GPC5: variants seen among roughly 807,000 people sequenced by gnomAD.
GPC5 encodes the protein glypican 5.
GPC5 carries 47 observed loss-of-function variants against 53.9 expected under a neutral mutation model. The ratio of observed to expected loss-of-function variants is 0.87; its 90% CI spans 0.69 to 1.11. The LOEUF (loss-of-function observed/expected upper bound fraction) is 1.11, where lower values mean the gene tolerates loss of function less well. Ranked by LOEUF, GPC5 falls within the 50% of genes most tolerant of loss-of-function variation. The pLI is 0.00. For missense variants in GPC5, 748 were observed against 713.1 expected, an observed-to-expected ratio of 1.05 and a Z score of -0.56; for synonymous variants, 286 against 263.3, an observed-to-expected ratio of 1.09 and a Z score of -0.84.
intron 2 of GPC5, among the ~76,000 whole-genome samples, chr13:91,471,054 A>T (rs1445405622): frequency 2.0e-5 from 3 of 152,164 alleles, no homozygotes; most frequent in African/African-American, 7.2e-5. Context: ...ACAAGAACCG[A>T]TGGAGTATTG....
At chr13:91,828,871 G>A (rs1194869057) in intron 5 of GPC5, among the ~76,000 whole-genome samples, 1 of 151,952 alleles carries the variant, frequency 6.6e-6, no homozygotes, top group African/African-American at 2.4e-5. Context: ...AGAAGAGGTT[G>A]GAAAGTCACT....
At position 92,579,268 on chromosome 13, in the gene GPC5, TCC is replaced by T. The variant is rs1566302652; in HGVS notation, c.1562-287012_1562-287011del. Among the ~76,000 whole-genome samples, 17 of 14,012 alleles carry T rather than the reference TCC, an allele frequency of 1.2e-3. 1 individual carries two copies. The highest frequency in any genetic ancestry group is 1.4e-3 in the Non-Finnish European group (12 of 8,546). 9.2% of individuals were successfully genotyped at this position (14,012 alleles called of 152,430 possible). A position where few individuals can be genotyped will look rare whatever the true frequency, so the allele number is the denominator to read the frequency against. The stretch of plus-strand genomic sequence containing the variant: ...CTCCCTCCCTCCCTCCCTCCCTCCC[TCC>T]CTCCCTCTCTCTCTCTCTCTCTCTC... On this transcript the variant is annotated intron_variant, in intron 7 of 7. Coordinates refer to ENST00000377067, the MANE Select transcript of GPC5 (RefSeq NM_004466.6).
chr13:91,480,199 A>G (rs1018544602), intron 2 of GPC5, among the ~76,000 whole-genome samples: 1 of 152,246 alleles, frequency 6.6e-6, no homozygotes, highest in African/African-American at 2.4e-5. Flanking sequence ...TTTAGGCTGT[A>G]AAATGTATGT....
chr13:92,613,511 AAATAT>A (rs1228691721), intron 7 of GPC5, among the ~76,000 whole-genome samples: 4 of 71,530 alleles, frequency 5.6e-5, no homozygotes, highest in African/African-American at 1.6e-4. Flanking sequence ...TTTATATATA[AAATAT>A]AATATATAAT....
intron 5 of GPC5, among the ~76,000 whole-genome samples, chr13:91,785,536 T>A (rs541972726): frequency 6.6e-6 from 1 of 152,226 alleles, no homozygotes; most frequent in East Asian, 1.9e-4. Flanking sequence ...ACCCAGTCTT[T>A]CACAAATTTC....
Position 92,184,653 on chromosome 13 carries a change from T to G in GPC5, c.1561+39664T>G, listed in dbSNP as rs531162411. Among the ~76,000 whole-genome samples the G allele has an allele frequency of 2.0e-5, 3 of 152,370 alleles. No homozygotes were observed. The South Asian group carries it at 6.2e-4, about 32-fold the overall frequency. ...CTGAAGATACTTTTTTGTTGAAAATTTAGCTATGCCTTTAAAATATTTTTT... is the reference window on the plus strand; with the variant it reads ...CTGAAGATACTTTTTTGTTGAAAATGTAGCTATGCCTTTAAAATATTTTTT... On this transcript the variant is annotated intron_variant, in intron 7 of 7. Coordinates refer to ENST00000377067, the MANE Select transcript of GPC5 (RefSeq NM_004466.6).
chr13:91,901,195 T>C (rs2039494199), intron 5 of GPC5, among the ~76,000 whole-genome samples: 1 of 152,068 alleles, frequency 6.6e-6, no homozygotes, highest in Non-Finnish European at 1.5e-5. Context: ...CTTAATTCCA[T>C]TTATTTTGAC....
intron 2 of GPC5, among the ~76,000 whole-genome samples, chr13:91,472,083 C>T (rs1362279100): frequency 6.6e-6 from 1 of 152,078 alleles, no homozygotes; most frequent in African/African-American, 2.4e-5. Context: ...TTTCCTTCTG[C>T]AATAGGTCTT....
At chr13:92,448,603 A>C (rs1027135600) in intron 7 of GPC5, 1 of 152,112 alleles carries the variant, frequency 6.6e-6, no homozygotes, top group Non-Finnish European at 1.5e-5. Flanking sequence ...AAAACTTATT[A>C]GATGCTTTTT....
At chr13:91,723,872 A>G (rs2036525364) in intron 3 of GPC5, among the ~76,000 whole-genome samples, 1 of 152,212 alleles carries the variant, frequency 6.6e-6, no homozygotes, top group Non-Finnish European at 1.5e-5. Context: ...TATCTGGGAC[A>G]TTACCTCTGC....
chr13:92,607,263 A>G (rs912896304), intron 7 of GPC5, among the ~76,000 whole-genome samples: 3 of 152,084 alleles, frequency 2.0e-5, no homozygotes, highest in Admixed American at 6.5e-5. Context: ...GTTTTACCCT[A>G]CTCTTCCCCA....
At chr13:92,517,420 A>T (rs1880838239) in intron 7 of GPC5, among the ~76,000 whole-genome samples, 1 of 152,198 alleles carries the variant, frequency 6.6e-6, no homozygotes, top group Non-Finnish European at 1.5e-5. Context: ...AAGTAGCCTA[A>T]CTGGGAGGCA....
At chr13:92,853,007 C>A (rs1041502370) in intron 7 of GPC5, among the ~76,000 whole-genome samples, 1 of 152,124 alleles carries the variant, frequency 6.6e-6, no homozygotes, top group Admixed American at 6.5e-5. Flanking sequence ...TCCATTTGCA[C>A]ATCAGAGTTA....
intron 2 of GPC5, among the ~76,000 whole-genome samples, chr13:91,691,863 G>A (rs1031806264): frequency 3.3e-5 from 5 of 151,870 alleles, no homozygotes; most frequent in African/African-American, 1.2e-4. Flanking sequence ...AAGTTATTGC[G>A]TGATCTTTTA....
chr13:91,998,124 GT>G (rs1183001216), intron 6 of GPC5, among the ~76,000 whole-genome samples: 2 of 152,164 alleles, frequency 1.3e-5, no homozygotes, highest in Non-Finnish European at 2.9e-5. Flanking sequence ...TTATTGAAAA[GT>G]TTTTTATTCC....
intron 5 of GPC5, among the ~76,000 whole-genome samples, chr13:91,813,158 C>T (rs2038340051): frequency 6.6e-6 from 1 of 152,146 alleles, no homozygotes; most frequent in South Asian, 2.1e-4. Flanking sequence ...CAGTTACTTG[C>T]TGAATATTGA....
chr13:92,663,701 T>TATATATCTACTATATATATCTACTAA (rs1886438735), intron 7 of GPC5, among the ~76,000 whole-genome samples: 1 of 139,688 alleles, frequency 7.2e-6, no homozygotes, highest in Non-Finnish European at 1.5e-5. Flanking sequence ...CTATATATAT[T>TATATATCTACTATATATATCTACTAA]ATATATCTAC....
At chr13:92,631,750 G>T (rs927697871) in intron 7 of GPC5, among the ~76,000 whole-genome samples, 8 of 151,954 alleles carry the variant, frequency 5.3e-5, no homozygotes, top group Non-Finnish European at 1.0e-4. Context: ...AAATTTTGGG[G>T]GTGTCAATAT....
chr13:92,272,451 C>A lies in GPC5; in HGVS notation c.1561+127462C>A, dbSNP rs571940060. On this transcript the variant is annotated intron_variant, in intron 7 of 7. Coordinates refer to ENST00000377067, the MANE Select transcript of GPC5 (RefSeq NM_004466.6). Reference sequence around the variant, plus strand: ...GATTTATGAAATAGAATTGATATTTCTATTTGAAAGACAATAGGAAGATAG... The same window carrying A: ...GATTTATGAAATAGAATTGATATTTATATTTGAAAGACAATAGGAAGATAG... Among the ~76,000 whole-genome samples the A allele has an allele frequency of 2.6e-5, 4 of 152,242 alleles. No individual in the cohort carries two copies. In the South Asian group the frequency reaches 8.3e-4, roughly 32 times the overall value.
Sources: allele counts gnomAD v4.1 joint callset (sites outside exome capture counted in the v4.1 genomes callset), GRCh38; gene constraint gnomAD v4.1.1; transcripts MANE v1.5; gene names NCBI Gene and HGNC (gene_info 2026-07-23, HGNC 2026-07-21).